The following PRELID2 variants were observed in gnomAD, a reference collection of about 807,000 sequenced individuals.
PRELID2 encodes the protein PRELI domain containing 2.
In PRELID2, 25 loss-of-function variants were observed where a neutral mutation model predicts 28.4. The observed-to-expected ratio is 0.88, with a 90% CI of 0.64 to 1.23. The LOEUF (loss-of-function observed/expected upper bound fraction) is 1.23, where lower values mean the gene tolerates loss of function less well. Among genes scored for constraint, PRELID2 ranks in the 50% most tolerant of loss-of-function variants. PRELID2 has a pLI of 0.00. For missense variants in PRELID2, 201 were observed against 214.4 expected (o/e 0.94, Z 0.39); for synonymous variants, 76 against 71.6 (o/e 1.06, Z -0.31).
chr5:145,597,321 C>T (rs896721924), intron 1 of PRELID2, among the ~76,000 whole-genome samples: 39 of 152,080 alleles, frequency 2.6e-4, no homozygotes, highest in Non-Finnish European at 5.0e-4. Context: ...CCCAGTCTTA[C>T]CTATCTGTAG....
chr5:145,323,170 A>G, the PRELID2 span, among the ~76,000 whole-genome samples: 1 of 151,646 alleles, frequency 6.6e-6, no homozygotes, highest in Non-Finnish European at 1.5e-5. Context: ...AGACAGCACC[A>G]GCAGAGGGGA....
intron 1 of PRELID2, among the ~76,000 whole-genome samples, chr5:145,564,522 C>T (rs563241488): frequency 6.6e-6 from 1 of 152,190 alleles, no homozygotes; most frequent in Non-Finnish European, 1.5e-5. Context: ...TTCAGTGTCA[C>T]CCCCATCATG....
intron 1 of PRELID2, among the ~76,000 whole-genome samples, chr5:145,568,687 T>A (rs77044101): frequency 1.3e-5 from 2 of 152,262 alleles, no homozygotes; most frequent in Admixed American, 6.5e-5. Flanking sequence ...TTCTTCTCCC[T>A]GGCCTGCCTC....
At chr5:145,511,871 A>G (rs762779447) in intron 1 of PRELID2, among the ~76,000 whole-genome samples, 3 of 152,178 alleles carry the variant, frequency 2.0e-5, no homozygotes, top group Non-Finnish European at 4.4e-5. Context: ...TAGCCTCCAT[A>G]GTGGAAGCTG....
chr5:145,600,045 G>T (rs1418971591), intron 1 of PRELID2, among the ~76,000 whole-genome samples: 1 of 151,034 alleles, frequency 6.6e-6, no homozygotes, highest in Non-Finnish European at 1.5e-5. Context: ...AAAGAAATAT[G>T]TTCTATGTTA....
chr5:145,498,276 G>A (rs1422874698), intron 1 of PRELID2, among the ~76,000 whole-genome samples: 1 of 152,060 alleles, frequency 6.6e-6, no homozygotes, highest in Non-Finnish European at 1.5e-5. Flanking sequence ...AATCAAGGAA[G>A]GTCAATATTA....
chr5:145,500,502 G>A (rs1490755312), intron 1 of PRELID2, among the ~76,000 whole-genome samples: 1 of 152,066 alleles, frequency 6.6e-6, no homozygotes, highest in African/African-American at 2.4e-5. Context: ...CATTGTCTCA[G>A]GCCTAGTCAA....
intron 5 of PRELID2, among the ~76,000 whole-genome samples, chr5:145,772,826 C>G (rs1758191809): frequency 6.6e-6 from 1 of 152,160 alleles, no homozygotes; most frequent in Non-Finnish European, 1.5e-5. Flanking sequence ...TATTTTAGTC[C>G]TGCTCCCAAA....
the PRELID2 span, among the ~76,000 whole-genome samples, chr5:145,346,974 A>G: frequency 6.6e-6 from 1 of 152,162 alleles, no homozygotes; most frequent in Non-Finnish European, 1.5e-5. Flanking sequence ...CATTCTTTGA[A>G]GTGGATATGG....
chr5:145,800,677 CTT>C (rs1753078535), intron 4 of PRELID2, among the ~76,000 whole-genome samples: 1 of 152,128 alleles, frequency 6.6e-6, no homozygotes. Context: ...GAAAAGCACT[CTT>C]GGGTTTTGTC....
intron 2 of PRELID2, among the ~76,000 whole-genome samples, chr5:145,822,130 G>A (rs1335801289): frequency 6.6e-6 from 1 of 152,176 alleles, no homozygotes; most frequent in Non-Finnish European, 1.5e-5. Flanking sequence ...TGATTCCTAA[G>A]AAGGGTAAAG....
chr5:145,416,694 C>T, the PRELID2 span, among the ~76,000 whole-genome samples: 2 of 152,000 alleles, frequency 1.3e-5, 1 homozygote, highest in South Asian at 4.2e-4. Flanking sequence ...CAACAAAAAG[C>T]TAGAAAGATC....
intron 1 of PRELID2, among the ~76,000 whole-genome samples, chr5:145,596,568 A>T (rs961775141): frequency 2.6e-5 from 4 of 151,762 alleles, no homozygotes; most frequent in African/African-American, 9.7e-5. Context: ...TGCTCATCAA[A>T]CTCTAAGACC....
chr5:145,497,170 A>G lies in PRELID2; in HGVS notation n.71-23855T>C, dbSNP rs557419129. On this transcript the variant is annotated intron_variant and non_coding_transcript_variant, in intron 1 of 2. Coordinates refer to the PRELID2 transcript ENST00000510259. ...TGAGCCACCATGCCCAGCTCAGTCTAGGATAATTTGAAGGCTTGTGTTTTG... is the reference window on the plus strand; with the variant it reads ...TGAGCCACCATGCCCAGCTCAGTCTGGGATAATTTGAAGGCTTGTGTTTTG... 5.1e-4 allele frequency among the ~76,000 whole-genome samples: 78 copies of G among 152,242 alleles called. 1 individual carries two copies. The South Asian group carries it at 0.014, about 27-fold the overall frequency.
rs5871930 is a variant in PRELID2 at position 145,542,749 on chromosome 5, ATTTCTTTC to A, written n.71-69442_71-69435del. 8.3e-3 allele frequency among the ~76,000 whole-genome samples: 1,209 copies of A among 145,296 alleles called. 5 individuals are homozygous for A. The highest frequency in any genetic ancestry group is 0.014 in the Middle Eastern group (4 of 286). On this transcript the variant is annotated intron_variant and non_coding_transcript_variant, in intron 1 of 2. Transcript: ENST00000510259. The stretch of plus-strand genomic sequence containing the variant: ...TTATAAATGATAAATATACATTGTA[ATTTCTTTC>A]TTTCTTTCTTTCTTTCTTTCTTTCT...
At chr5:145,567,995 T>C (rs978655036) in intron 1 of PRELID2, among the ~76,000 whole-genome samples, 2 of 152,176 alleles carry the variant, frequency 1.3e-5, no homozygotes, top group African/African-American at 4.8e-5. Context: ...TGCCCAATCA[T>C]AGCTACTGGT....
chr5:145,441,568 C>T, the PRELID2 span, among the ~76,000 whole-genome samples: 1 of 152,002 alleles, frequency 6.6e-6, no homozygotes, highest in African/African-American at 2.4e-5. Context: ...TAAGTCAGGT[C>T]TTAACTGTAA....
intron 5 of PRELID2, among the ~76,000 whole-genome samples, chr5:145,784,860 T>C (rs933826055): frequency 1.3e-5 from 2 of 151,656 alleles, no homozygotes; most frequent in Non-Finnish European, 2.9e-5. Context: ...AAGATCTACG[T>C]CAAAATGTTA....
the PRELID2 span, among the ~76,000 whole-genome samples, chr5:145,464,293 A>T: frequency 2.6e-5 from 4 of 152,192 alleles, no homozygotes; most frequent in Non-Finnish European, 5.9e-5. Flanking sequence ...TGGCTCACTG[A>T]GGAAATAATA....
Sources: allele counts gnomAD v4.1 joint callset (sites outside exome capture counted in the v4.1 genomes callset), GRCh38; gene constraint gnomAD v4.1.1; transcripts MANE v1.5; gene names NCBI Gene and HGNC (gene_info 2026-07-23, HGNC 2026-07-21).